CCT4: variants seen among roughly 807,000 people sequenced by gnomAD.
CCT4 encodes the protein T-complex protein 1 subunit delta.
CCT4 carries 17 observed loss-of-function variants against 62.5 expected under a neutral mutation model. The ratio of observed to expected loss-of-function variants is 0.27; its 90% CI spans 0.19 to 0.41. The LOEUF is 0.41. CCT4 is among the 10% of genes least tolerant of loss of function. CCT4 has a pLI of 1.00. For synonymous variants in CCT4, 250 were observed against 229.9 expected, an observed-to-expected ratio of 1.09 and a Z score of -0.79; for missense variants, 592 against 659.2, an observed-to-expected ratio of 0.90 and a Z score of 1.12.
intron 2 of CCT4, among the ~76,000 whole-genome samples, chr2:61,883,773 G>GAC (rs59031193): frequency 0.081 from 11,683 of 143,660 alleles, 465 homozygotes; most frequent in Non-Finnish European, 0.1. Context: ...AAGAAATGTA[G>GAC]ACACACACAC....
intron 3 of CCT4, among the ~76,000 whole-genome samples, chr2:61,881,660 T>C (rs950019471): frequency 9.9e-5 from 15 of 152,168 alleles, no homozygotes; most frequent in Non-Finnish European, 1.6e-4. Context: ...CATTTTCTAT[T>C]TTTTAAGTAA....
At chr2:61,886,836 G>A (rs1456763316) in intron 1 of CCT4, among the ~76,000 whole-genome samples, 3 of 151,480 alleles carry the variant, frequency 2.0e-5, no homozygotes, top group East Asian at 3.9e-4. Flanking sequence ...GTCAGTTCAC[G>A]GCAACCTCCG....
intron 10 of CCT4, 25 bp downstream of exon 10, chr2:61,872,977 A>G: frequency 2.3e-6 from 3 of 1,328,290 alleles, no homozygotes; most frequent in Middle Eastern, 1.8e-4. Flanking sequence ...CTAAGCAAAT[A>G]AAAATTTAAG....
intron 2 of CCT4, 117 bp downstream of exon 2, chr2:61,884,903 G>T: frequency 1.2e-6 from 1 of 816,666 alleles, no homozygotes; most frequent in South Asian, 1.6e-5. Flanking sequence ...TGGGATTATA[G>T]GTGTGAGCCA....
chr2:61,873,913 C>T (rs1046954113), intron 8 of CCT4, among the ~76,000 whole-genome samples: 1 of 151,678 alleles, frequency 6.6e-6, no homozygotes, highest in East Asian at 1.9e-4. Flanking sequence ...GTTGCCCAGG[C>T]CGGTCTTGAA....
chr2:61,883,286 T>C (rs181386696), intron 3 of CCT4, among the ~76,000 whole-genome samples, 173 bp downstream of exon 3: 21 of 152,046 alleles, frequency 1.4e-4, no homozygotes, highest in Admixed American at 1.2e-3. Flanking sequence ...CCAGGCATGG[T>C]GGCACGAGCC....
chr2:61,879,439 ATTTT>A (rs35177149), intron 4 of CCT4, among the ~76,000 whole-genome samples: 3 of 103,550 alleles, frequency 2.9e-5, no homozygotes, highest in Non-Finnish European at 2.0e-5. Context: ...TTTTTTTTGT[ATTTT>A]TTTTTTTTTT....
At chr2:61,887,809 C>G (rs1669293435) in intron 1 of CCT4, 1 of 152,230 alleles carries the variant, frequency 6.6e-6, no homozygotes, top group African/African-American at 2.4e-5. Context: ...CTATGTTTCA[C>G]TGCACATGCG....
At position 61,876,132 on chromosome 2, in the gene CCT4, C is replaced by G. The variant is rs1668995293; in HGVS notation, c.880G>C (p.Gly294Arg). Residue 294 changes from glycine (G) to arginine (R), a missense_variant, in exon 8 of 14, where the codon GGA becomes CGA. By Grantham distance (125) the Gly-to-Arg change is moderately radical. This residue lies in a region of CCT4 where 522 missense variants were observed against 571.2 expected (regional missense o/e 0.91). Transcript: ENST00000394440. ...LNLVKQIKKT[G>R]CNVLLIQKSI... ...TTCTGTATGAGAAGGACATTACATCCTGTTTTTTTAATTTGCTTCACTAAA... is the reference window on the plus strand; with the variant it reads ...TTCTGTATGAGAAGGACATTACATCGTGTTTTTTTAATTTGCTTCACTAAA... The G allele has an allele frequency of 2.5e-6, 4 of 1,605,448 alleles. No homozygotes were observed. Among genetic ancestry groups the G allele is most frequent in the Non-Finnish European group, 3.4e-6 (4 of 1,172,558 alleles).
At position 61,883,127 on chromosome 2, in the gene CCT4, AAAG is replaced by A. The variant is rs577563460; in HGVS notation, c.270+329_270+331del. Among the ~76,000 whole-genome samples, 10 of 152,274 alleles carry A rather than the reference AAAG, an allele frequency of 6.6e-5. No homozygotes were observed. The East Asian group carries it at 1.9e-3, about 29-fold the overall frequency. ...TTACCAAGTATCAAACACACTTAAA[AAAG>A]AAGACTCATCTGGCCGGGCGCAGTA... On this transcript the variant is annotated intron_variant, in intron 3 of 13. Coordinates refer to ENST00000394440, the MANE Select transcript of CCT4 (RefSeq NM_006430.4).
intron 4 of CCT4, 87 bp downstream of exon 4, chr2:61,880,199 C>T (rs1669083436): frequency 3.4e-6 from 2 of 594,732 alleles, no homozygotes; most frequent in African/African-American, 3.8e-5. Context: ...AATCTTCAAT[C>T]CCATATTACT....
intron 8 of CCT4, among the ~76,000 whole-genome samples, chr2:61,874,656 G>T (rs1163321522): frequency 6.6e-6 from 1 of 151,654 alleles, no homozygotes; most frequent in African/African-American, 2.4e-5. Context: ...AAACTTCAGA[G>T]AATTCTTTTC....
At chr2:61,882,089 C>T (rs145715770) in intron 3 of CCT4, among the ~76,000 whole-genome samples, 85 of 152,060 alleles carry the variant, frequency 5.6e-4, no homozygotes, top group African/African-American at 1.7e-3. Context: ...TGCACCACCA[C>T]GCCCAGCTGA....
At position 61,877,375 on chromosome 2, in the gene CCT4, G is replaced by T; in HGVS notation, c.644+18C>A. The stretch of plus-strand genomic sequence containing the variant: ...TCATTTTCAAATTTTTATTCAAGTT[G>T]TAATTAGAGATGCTTACCCAAGCTT... On this transcript the variant is annotated intron_variant, in intron 6 of 13. Coordinates refer to ENST00000394440, the MANE Select transcript of CCT4 (RefSeq NM_006430.4). The T allele has an allele frequency of 1.3e-6, 2 of 1,597,698 alleles. No homozygotes were observed. Among genetic ancestry groups the T allele is most frequent in the Admixed American group, 1.8e-5 (1 of 56,484 alleles).
At chr2:61,879,546 G>A (rs1669069648) in intron 4 of CCT4, among the ~76,000 whole-genome samples, 1 of 150,154 alleles carries the variant, frequency 6.7e-6, no homozygotes, top group Non-Finnish European at 1.5e-5. Context: ...CCAAAGTGCT[G>A]GGATTACAAG....
Position 61,888,649 on chromosome 2 carries a change from C to CGGAGAA in CCT4, c.-148_-143dup. ...CGCCGGCGTCGGGAGGAGGCGGAGG[C>CGGAGAA]GGAGAAGGGGGCCTTCCTTGCCGCG... On this transcript the variant is annotated 5_prime_UTR_variant, in exon 1 of 14. Transcript: ENST00000394440. 1.0e-6 allele frequency: 1 copy of CGGAGAA among 982,124 alleles called. No homozygotes were observed. The highest frequency in any genetic ancestry group is 1.4e-6 in the Non-Finnish European group (1 of 692,556). The allele number at this position is 982,124 out of a possible 1,614,324, so 60.8% of individuals were successfully genotyped here.
chr2:61,876,817 T>A (rs1669010862), intron 7 of CCT4, 103 bp downstream of exon 7: 1 of 967,174 alleles, frequency 1.0e-6, no homozygotes, highest in Non-Finnish European at 1.5e-6. Context: ...TCTTTTGAGA[T>A]CTGCTTTAAA....
At chr2:61,875,562 GAC>G (rs1263392574) in intron 8 of CCT4, among the ~76,000 whole-genome samples, 1 of 136,668 alleles carries the variant, frequency 7.3e-6, no homozygotes, top group Non-Finnish European at 1.5e-5. Context: ...CAGCCTGGAT[GAC>G]AGAGTGAGAC....
intron 8 of CCT4, among the ~76,000 whole-genome samples, chr2:61,875,211 GAAAAATAATGATACTGCTAAAA>G (rs1668972831): frequency 6.7e-6 from 1 of 149,714 alleles, no homozygotes; most frequent in South Asian, 2.1e-4. Flanking sequence ...TAACTGCAAG[GAAAAATAATGATACTGCTAAAA>G]AAAAAAATGC....
Sources: gnomAD v4.1 joint callset for allele counts (sites outside exome capture counted in the v4.1 genomes callset) on GRCh38, gnomAD v4.1.1 for gene constraint, gnomAD v4.1.1 regional missense constraint, MANE v1.5 for transcripts, NCBI Gene and HGNC (gene_info 2026-07-23, HGNC 2026-07-21) for gene names.